The following TIMD4 variants were observed in gnomAD, a reference collection of about 807,000 sequenced individuals.
The protein encoded by TIMD4 is T cell immunoglobulin and mucin domain containing 4.
Under a neutral mutation model 41.2 loss-of-function variants are expected in TIMD4, and 31 were observed. That is an observed-to-expected ratio of 0.75 (90% CI 0.57 to 1.01). TIMD4 has a LOEUF of 1.01. TIMD4 is among the 50% of genes least tolerant of loss of function. TIMD4 has a pLI of 0.00. For synonymous variants in TIMD4, 204 were observed against 177.1 expected (o/e 1.15, Z -1.21); for missense variants, 479 against 472.5 (o/e 1.01, Z -0.13).
chr5:156,920,232 T>C (rs1759209783), intron 8 of TIMD4, among the ~76,000 whole-genome samples: 1 of 152,236 alleles, frequency 6.6e-6, no homozygotes. Context: ...TTGCGTGCTA[T>C]ACTTCTATTA....
chr5:156,935,525 T>C (rs1330881915), intron 5 of TIMD4: 8 of 152,200 alleles, frequency 5.3e-5, no homozygotes, highest in Non-Finnish European at 1.2e-4. Flanking sequence ...AAGGGAAGAA[T>C]TGGGTGGGGT....
intron 6 of TIMD4, chr5:156,924,679 C>G (rs963483903): frequency 5.7e-6 from 1 of 174,558 alleles, no homozygotes; most frequent in Non-Finnish European, 1.2e-5. Flanking sequence ...TTTCTAAAGC[C>G]AGGAAATGTG....
intron 1 of TIMD4, among the ~76,000 whole-genome samples, chr5:156,960,719 C>A (rs1760064491): frequency 6.6e-6 from 1 of 152,152 alleles, no homozygotes; most frequent in South Asian, 2.1e-4. Flanking sequence ...TAGATTGTTT[C>A]TTCAGTGCCT....
chr5:156,932,897 C>T (rs138082802), intron 5 of TIMD4, among the ~76,000 whole-genome samples: 7 of 150,910 alleles, frequency 4.6e-5, no homozygotes, highest in Admixed American at 3.9e-4. Context: ...CCAGCTACTC[C>T]GGAGGTTGAG....
intron 7 of TIMD4, among the ~76,000 whole-genome samples, chr5:156,921,153 C>A (rs574194838): frequency 6.6e-5 from 10 of 152,120 alleles, no homozygotes; most frequent in Non-Finnish European, 1.0e-4. Flanking sequence ...GATGGAGGTG[C>A]AAGGTCATGG....
At chr5:156,943,444 G>T (rs1055442396) in intron 5 of TIMD4, among the ~76,000 whole-genome samples, 12 of 152,144 alleles carry the variant, frequency 7.9e-5, no homozygotes, top group African/African-American at 2.7e-4. Context: ...AAATGGCAGA[G>T]GTAGGATATA....
chr5:156,920,572 A>T (rs1759218341), intron 7 of TIMD4, 69 bp from the exon 8 acceptor site: 1 of 1,529,062 alleles, frequency 6.5e-7, no homozygotes, highest in Non-Finnish European at 9.1e-7. Context: ...TGCTGGGGGA[A>T]TTCCAGTGCT....
At chr5:156,951,326 G>A (rs1759848256) in intron 3 of TIMD4, among the ~76,000 whole-genome samples, 186 bp downstream of exon 3, 1 of 152,146 alleles carries the variant, frequency 6.6e-6, no homozygotes, top group Non-Finnish European at 1.5e-5. Context: ...ACCCAGAGCA[G>A]TGCGAAAATA....
intron 8 of TIMD4, 35 bp downstream of exon 8, chr5:156,920,429 A>C (rs777158753): frequency 1.2e-6 from 2 of 1,609,934 alleles, no homozygotes; most frequent in South Asian, 2.2e-5. Flanking sequence ...AGCTTGTACA[A>C]TCATTACAAC....
At chr5:156,926,135 A>T in intron 6 of TIMD4, 128 bp downstream of exon 6, 1 of 863,052 alleles carries the variant, frequency 1.2e-6, no homozygotes. Context: ...AATTTCTGGC[A>T]TCAAGTGATC....
chr5:156,946,120 C>G (rs1035879698), intron 5 of TIMD4, among the ~76,000 whole-genome samples: 3 of 152,138 alleles, frequency 2.0e-5, no homozygotes, highest in African/African-American at 4.8e-5. Flanking sequence ...ACCTCTTATT[C>G]CCTTGTAATT....
chr5:156,942,811 A>G (rs1208014044), intron 5 of TIMD4, among the ~76,000 whole-genome samples: 5 of 152,236 alleles, frequency 3.3e-5, no homozygotes, highest in Non-Finnish European at 7.3e-5. Flanking sequence ...CCTAAATTAT[A>G]GAGTGGAGCC....
intron 1 of TIMD4, among the ~76,000 whole-genome samples, chr5:156,961,808 CAAAAAA>C (rs71578911): frequency 2.1e-4 from 6 of 27,984 alleles, no homozygotes; most frequent in African/African-American, 3.4e-4. Context: ...GACTCCGTCT[CAAAAAA>C]AAAAAAAAAA....
chr5:156,921,127 CG>C (rs1398459999), intron 7 of TIMD4, among the ~76,000 whole-genome samples: 4 of 20,328 alleles, frequency 2.0e-4, no homozygotes, highest in Admixed American at 2.0e-3. Flanking sequence ...CTTTTGGGGG[CG>C]GGGGGCAGGG....
At chr5:156,940,524 T>C (rs1402622279) in intron 5 of TIMD4, among the ~76,000 whole-genome samples, 81 of 135,488 alleles carry the variant, frequency 6.0e-4, no homozygotes, top group Non-Finnish European at 1.1e-3. Context: ...CATCTCTGCC[T>C]GGCCGCCCAT....
chr5:156,955,155 G>C (rs1259564094), intron 1 of TIMD4, among the ~76,000 whole-genome samples: 1 of 151,408 alleles, frequency 6.6e-6, no homozygotes. Flanking sequence ...AACTCCACAT[G>C]ATTCTATCCC....
chr5:156,954,316 G>T (rs576956331), intron 2 of TIMD4, 99 bp downstream of exon 2: 2 of 1,176,586 alleles, frequency 1.7e-6, no homozygotes, highest in Admixed American at 2.7e-5. Flanking sequence ...CACTCACTGT[G>T]AAAGCAACTC....
chr5:156,939,085 CA>C (rs1408722165), intron 5 of TIMD4, among the ~76,000 whole-genome samples: 2 of 152,194 alleles, frequency 1.3e-5, no homozygotes, highest in African/African-American at 4.8e-5. Flanking sequence ...CCTCTCTCTT[CA>C]TCTCACACAA....
At chr5:156,962,415 A>C (rs1405805112) in intron 1 of TIMD4, among the ~76,000 whole-genome samples, 1 of 152,248 alleles carries the variant, frequency 6.6e-6, no homozygotes, top group Non-Finnish European at 1.5e-5. Context: ...ATTTAAAAAA[A>C]AAATGGACTT....
Sources: allele counts gnomAD v4.1 joint callset (sites outside exome capture counted in the v4.1 genomes callset), GRCh38; gene constraint gnomAD v4.1.1; transcripts MANE v1.5; gene names NCBI Gene and HGNC (gene_info 2026-07-23, HGNC 2026-07-21).